The following TRPM7 variants were observed in gnomAD, a reference collection of about 807,000 sequenced individuals.
TRPM7 encodes LTRPC ion channel family member 7.
A neutral mutation model predicts 229.7 loss-of-function variants in TRPM7; 134 were observed. The ratio of observed to expected loss-of-function variants is 0.58; its 90% confidence interval spans 0.51 to 0.67. The LOEUF (loss-of-function observed/expected upper bound fraction) is 0.67. TRPM7 is among the 30% of genes least tolerant of loss of function. TRPM7 has a pLI of 0.00. For synonymous variants in TRPM7, 699 were observed against 715.2 expected, an observed-to-expected ratio of 0.98 and a Z score of 0.36; for missense variants, 1,901 against 2,210.0, an observed-to-expected ratio of 0.86 and a Z score of 2.80.
At chr15:50,649,578 A>G (rs2061360393) in intron 3 of TRPM7, among the ~76,000 whole-genome samples, 1 of 152,246 alleles carries the variant, frequency 6.6e-6, no homozygotes, top group Non-Finnish European at 1.5e-5. Context: ...CAATGATTAT[A>G]TATTTGTATG....
intron 19 of TRPM7, 107 bp downstream of exon 19, chr15:50,609,474 C>T (rs2060006019): frequency 9.3e-7 from 1 of 1,073,348 alleles, no homozygotes; most frequent in Non-Finnish European, 1.3e-6. Context: ...ATGTGAAATG[C>T]CTTTTCAGTG....
intron 25 of TRPM7, 96 bp downstream of exon 25, chr15:50,593,521 T>C (rs182183096): frequency 3.0e-5 from 40 of 1,331,908 alleles, no homozygotes; most frequent in Non-Finnish European, 3.4e-5. Flanking sequence ...TGCTTATTGT[T>C]TGACAAAATA....
chr15:50,644,797 C>CAAAAAAAAA (rs201997665), intron 4 of TRPM7, among the ~76,000 whole-genome samples: 4 of 64,822 alleles, frequency 6.2e-5, no homozygotes, highest in African/African-American at 1.8e-4. Flanking sequence ...AACTGCGTCT[C>CAAAAAAAAA]AAAAAAAAAA....
At chr15:50,622,516 T>C (rs1490928280) in intron 12 of TRPM7, among the ~76,000 whole-genome samples, 1 of 152,258 alleles carries the variant, frequency 6.6e-6, no homozygotes, top group Non-Finnish European at 1.5e-5. Flanking sequence ...AATAATCCTT[T>C]TAATTTTTAC....
rs2062369653 is a variant in TRPM7 at position 50,686,782 on chromosome 15, C to A, written c.-249G>T. 2.3e-6 allele frequency: 1 copy of A among 435,576 alleles called. No homozygotes were observed. Among genetic ancestry groups the A allele is most frequent in the African/African-American group, 2.1e-5 (1 of 47,636 alleles). 27.0% of individuals were successfully genotyped at this position (435,576 alleles called of 1,614,324 possible). On this transcript the variant is annotated 5_prime_UTR_variant, in exon 1 of 39. Coordinates refer to ENST00000646667, the MANE Select transcript of TRPM7 (RefSeq NM_017672.6). ...ACGCGCCCGCGCCCGCCTCCGCCGG[C>A]GACGGGGCTGGGGACGGACCACGTG...
intron 23 of TRPM7, 83 bp downstream of exon 23, chr15:50,596,172 T>C (rs1311049482): frequency 2.9e-6 from 3 of 1,022,688 alleles, no homozygotes; most frequent in Non-Finnish European, 3.9e-6. Flanking sequence ...ATTTTTAGAT[T>C]TTAAGTTCTA....
At chr15:50,651,920 T>C (rs1419865889) in intron 3 of TRPM7, among the ~76,000 whole-genome samples, 1 of 151,776 alleles carries the variant, frequency 6.6e-6, no homozygotes, top group Non-Finnish European at 1.5e-5. Context: ...AATAAAATAA[T>C]AATTTTCTAA....
At chr15:50,617,400 G>A (rs1401358398) in intron 13 of TRPM7, among the ~76,000 whole-genome samples, 3 of 151,076 alleles carry the variant, frequency 2.0e-5, no homozygotes, top group Non-Finnish European at 4.4e-5. Context: ...CTACTCGGGA[G>A]GCTGAGGCAG....
At chr15:50,600,567 C>T (rs891042590) in intron 21 of TRPM7, among the ~76,000 whole-genome samples, 1 of 151,930 alleles carries the variant, frequency 6.6e-6, no homozygotes, top group Non-Finnish European at 1.5e-5. Context: ...AATACATTTA[C>T]AATAAATCTG....
chr15:50,667,399 A>C (rs1295736266), intron 1 of TRPM7, among the ~76,000 whole-genome samples: 1 of 152,130 alleles, frequency 6.6e-6, no homozygotes, highest in Non-Finnish European at 1.5e-5. Flanking sequence ...AGCTTTGATT[A>C]ACTGGTTTAA....
At chr15:50,561,888 T>C in intron 38 of TRPM7, 80 bp from the exon 39 acceptor site, 1 of 1,335,654 alleles carries the variant, frequency 7.5e-7, no homozygotes, top group Non-Finnish European at 1.0e-6. Context: ...AAATGGAGAA[T>C]TAGGAACCTT....
chr15:50,674,135 C>T (rs57001655), intron 1 of TRPM7, among the ~76,000 whole-genome samples: 4,543 of 152,202 alleles, frequency 0.03, 245 homozygotes, highest in African/African-American at 0.1. Context: ...ATAACAGGTA[C>T]CTGCCACCAC....
rs1596028100 is a variant in TRPM7, at chr15:50,557,771, G to A, written c.*3907C>T. The A allele has an allele frequency of 6.6e-6, 1 of 152,366 alleles. No individual in the cohort carries two copies. The highest frequency in any genetic ancestry group is 1.9e-4 in the East Asian group (1 of 5,184). 9.4% of individuals were successfully genotyped at this position (152,366 alleles called of 1,614,324 possible). A position where few individuals can be genotyped will look rare whatever the true frequency, so the allele number is the denominator to read the frequency against. ...CAATTCTCCTGCCTCAGCCTCCTGAGTAGCTGGGCCTACAGGCACGCGCCA... is the reference window on the plus strand; with the variant it reads ...CAATTCTCCTGCCTCAGCCTCCTGAATAGCTGGGCCTACAGGCACGCGCCA... On this transcript the variant is annotated 3_prime_UTR_variant, in exon 39 of 39. Transcript: ENST00000646667.
At chr15:50,646,177 G>C (rs1269166689) in intron 4 of TRPM7, among the ~76,000 whole-genome samples, 1 of 152,046 alleles carries the variant, frequency 6.6e-6, no homozygotes, top group African/African-American at 2.4e-5. Flanking sequence ...CGGGATCCAG[G>C]AGAAAAGAAA....
At chr15:50,645,188 C>A (rs1243327247) in intron 4 of TRPM7, among the ~76,000 whole-genome samples, 1 of 150,286 alleles carries the variant, frequency 6.7e-6, no homozygotes, top group Non-Finnish European at 1.5e-5. Context: ...TACAGACACA[C>A]GGCACCCAGC....
At chr15:50,580,520 A>T (rs2054347975) in intron 30 of TRPM7, among the ~76,000 whole-genome samples, 1 of 152,234 alleles carries the variant, frequency 6.6e-6, no homozygotes, top group Non-Finnish European at 1.5e-5. Flanking sequence ...TGATGGATAG[A>T]GAAATCAAGC....
chr15:50,613,310 T>C (rs2060115864), intron 15 of TRPM7, among the ~76,000 whole-genome samples: 1 of 152,122 alleles, frequency 6.6e-6, no homozygotes, highest in Non-Finnish European at 1.5e-5. Context: ...GAGACCATAC[T>C]GGCCAACATG....
intron 3 of TRPM7, among the ~76,000 whole-genome samples, chr15:50,651,613 T>C (rs1284734543): frequency 6.6e-6 from 1 of 152,048 alleles, no homozygotes; most frequent in African/African-American, 2.4e-5. Flanking sequence ...CCTGGCAACA[T>C]AGTAAGACTC....
In TRPM7 at chr15:50,624,295, T is replaced by G; in HGVS notation, c.1311A>C (p.Gly437=). The G allele has an allele frequency of 6.2e-7, 1 of 1,601,282 alleles. No homozygotes were observed. Among genetic ancestry groups the G allele is most frequent in the East Asian group, 2.2e-5 (1 of 44,578 alleles). The change falls in exon 12 of 39, where the codon GGA becomes GGC. Residue 437 remains glycine (G), a synonymous_variant. Coordinates refer to ENST00000646667, the MANE Select transcript of TRPM7 (RefSeq NM_017672.6). ...VFVYGQQWLV[G]SLEQAMLDAL... ...CATCAAGCATAGCTTGTTCCAAGGA[T>G]CCAACCTAGGAGTATCAAATTTAAT...
Sources: allele counts gnomAD v4.1 joint callset (sites outside exome capture counted in the v4.1 genomes callset), GRCh38; gene constraint gnomAD v4.1.1; transcripts MANE v1.5; gene names NCBI Gene and HGNC (gene_info 2026-07-23, HGNC 2026-07-21).